The following ALDH18A1 variants were observed in gnomAD, a reference collection of about 807,000 sequenced individuals.
The protein encoded by ALDH18A1 is delta-1-pyrroline-5-carboxylate synthase.
A neutral mutation model predicts 88.8 loss-of-function variants in ALDH18A1; 44 were observed. The observed-to-expected ratio is 0.50, with a 90% confidence interval of 0.39 to 0.64. ALDH18A1 has a LOEUF of 0.64. ALDH18A1 is among the 30% of genes least tolerant of loss of function. The pLI, the probability that ALDH18A1 is intolerant of heterozygous loss-of-function variation, is 0.00. For synonymous variants in ALDH18A1, 331 were observed against 372.1 expected (o/e 0.89, Z 1.27); for missense variants, 782 against 1,009.5 (o/e 0.77, Z 3.05).
intron 1 of ALDH18A1, among the ~76,000 whole-genome samples, chr10:95,653,733 T>C (rs1221193310): frequency 6.6e-6 from 1 of 152,228 alleles, no homozygotes; most frequent in East Asian, 1.9e-4. Flanking sequence ...GTGTTAATAC[T>C]AAATCTTCAT....
chr10:95,635,840 A>T (rs2097879646), intron 5 of ALDH18A1, among the ~76,000 whole-genome samples: 2 of 152,252 alleles, frequency 1.3e-5, no homozygotes, highest in African/African-American at 4.8e-5. Context: ...GGGAAAAACC[A>T]AACCAAAGCA....
intron 2 of ALDH18A1, among the ~76,000 whole-genome samples, chr10:95,645,000 C>A (rs1589562605): frequency 6.6e-6 from 1 of 152,318 alleles, no homozygotes; most frequent in African/African-American, 2.4e-5. Context: ...ACATTTCTAT[C>A]CTGTTTGAGC....
At position 95,653,177 on chromosome 10, in the gene ALDH18A1, G is replaced by A. The variant is rs2097913086; in HGVS notation, c.88+113C>T. On this transcript the variant is annotated intron_variant, in intron 2 of 17. Coordinates refer to ENST00000371224, the MANE Select transcript of ALDH18A1 (RefSeq NM_002860.4). ...CACTCCAGCCTGTGTGACAAAATGA[G>A]ACCCTGTCTCCAAACAAACAAACAA... 1.5e-5 allele frequency: 15 copies of A among 1,028,474 alleles called. No individual in the cohort carries two copies. The Admixed American group carries it at 2.6e-4, about 18-fold the overall frequency. The allele number at this position is 1,028,474 out of a possible 1,614,324, so 63.7% of individuals were successfully genotyped here.
At chr10:95,647,946 CACCCT>C (rs1301108964) in intron 2 of ALDH18A1, among the ~76,000 whole-genome samples, 1 of 152,238 alleles carries the variant, frequency 6.6e-6, no homozygotes, top group Admixed American at 6.5e-5. Context: ...CCACACACCT[CACCCT>C]ACATATCTCT....
intron 16 of ALDH18A1, 121 bp downstream of exon 16, chr10:95,611,135 C>T (rs2097833431): frequency 8.3e-7 from 1 of 1,207,508 alleles, no homozygotes; most frequent in Non-Finnish European, 1.2e-6. Context: ...GCAACCACTA[C>T]TAAACATTAC....
chr10:95,625,476 T>TA (rs777958250), intron 10 of ALDH18A1, 21 bp from the exon 11 acceptor site: 37 of 1,597,264 alleles, frequency 2.3e-5, no homozygotes, highest in Admixed American at 5.0e-5. Flanking sequence ...GGTACACCAT[T>TA]AAAAAAACAG....
At chr10:95,653,718 CT>C (rs1488711639) in intron 1 of ALDH18A1, among the ~76,000 whole-genome samples, 1 of 152,200 alleles carries the variant, frequency 6.6e-6, no homozygotes, top group East Asian at 1.9e-4. Flanking sequence ...AGGTGCAATG[CT>C]TATGTGTTAA....
chr10:95,624,053 G>T (rs1014049578), intron 11 of ALDH18A1, among the ~76,000 whole-genome samples: 2 of 151,566 alleles, frequency 1.3e-5, no homozygotes, highest in Non-Finnish European at 2.9e-5. Context: ...GGTCAGGCTG[G>T]TCTTGAACTC....
chr10:95,618,389 C>T (rs554540487), intron 12 of ALDH18A1, among the ~76,000 whole-genome samples: 3 of 152,278 alleles, frequency 2.0e-5, no homozygotes, highest in Non-Finnish European at 4.4e-5. Flanking sequence ...GGCACGATCT[C>T]GACTCACTGC....
In ALDH18A1 at chr10:95,653,358, C is replaced by T. The variant is rs753553298; in HGVS notation, c.20G>A (p.Arg7His). The T allele has an allele frequency of 8.7e-6, 14 of 1,613,072 alleles. No individual in the cohort carries two copies. The Admixed American group carries it at 1.0e-4, about 12-fold the overall frequency. The change falls in exon 2 of 18, where the codon CGC (arginine) becomes CAC (histidine). Residue 7 changes from arginine to histidine, a missense_variant. Arg to His is a conservative substitution (Grantham distance 29, BLOSUM62 0). Transcript: ENST00000371224. MLSQVYRCGFQPFNQHL... is the reference protein window; with the variant it reads MLSQVYHCGFQPFNQHL... ...TTGGTTGAAGGGCTGGAACCCACAG[C>T]GGTAAACTTGACTCAACATGCTGCG...
chr10:95,640,615 T>C (rs989858928), intron 3 of ALDH18A1, among the ~76,000 whole-genome samples: 1 of 152,214 alleles, frequency 6.6e-6, no homozygotes, highest in Admixed American at 6.5e-5. Flanking sequence ...GTGTTGGGAT[T>C]ACAGGTGTAA....
At chr10:95,646,428 G>A (rs1760980513) in intron 2 of ALDH18A1, among the ~76,000 whole-genome samples, 1 of 152,136 alleles carries the variant, frequency 6.6e-6, no homozygotes, top group Admixed American at 6.5e-5. Context: ...CAGTAGATAA[G>A]GCCTGTTAGG....
rs2097873952 is a variant in ALDH18A1, at chr10:95,633,196, G to T, written c.718-147C>A. ...AATATGTAGATGACGGCTCTTGCAG[G>T]CCCCTTCTGTCTGCAGAACACACTG... is the stretch of plus-strand genomic sequence containing the variant. On this transcript the variant is annotated intron_variant, in intron 6 of 17. Coordinates refer to ENST00000371224, the MANE Select transcript of ALDH18A1 (RefSeq NM_002860.4). The T allele has an allele frequency of 3.8e-6, 3 of 783,436 alleles. No individual in the cohort carries two copies. The East Asian group carries it at 8.0e-5, about 21-fold the overall frequency. 48.5% of individuals were successfully genotyped at this position (783,436 alleles called of 1,614,324 possible). A position where few individuals can be genotyped will look rare whatever the true frequency, so the allele number is the denominator to read the frequency against.
chr10:95,646,216 G>A (rs1208149062), intron 2 of ALDH18A1, among the ~76,000 whole-genome samples: 15 of 152,188 alleles, frequency 9.9e-5, no homozygotes. Context: ...GGGTGGAGCA[G>A]CCTGAGAGGG....
rs527696234 is a variant in ALDH18A1, at chr10:95,653,765, A to G, written c.-28-360T>C. Among the ~76,000 whole-genome samples, 4 of 152,346 alleles carry G rather than the reference A, an allele frequency of 2.6e-5. No homozygotes were observed. The South Asian group carries it at 8.3e-4, about 32-fold the overall frequency. Reference sequence around the variant, plus strand: ...TCATATAATTCCTGTAACAGATCCAACATCCTAAAGCAATCATGTCCACCT... The same window carrying G: ...TCATATAATTCCTGTAACAGATCCAGCATCCTAAAGCAATCATGTCCACCT... On this transcript the variant is annotated intron_variant, in intron 1 of 17. Coordinates refer to ENST00000371224, the MANE Select transcript of ALDH18A1 (RefSeq NM_002860.4).
intron 7 of ALDH18A1, among the ~76,000 whole-genome samples, chr10:95,631,742 C>CAAAAAAAAA (rs71034341): frequency 1.3e-5 from 1 of 76,478 alleles, no homozygotes; most frequent in Admixed American, 1.7e-4. Flanking sequence ...GGCTCTGCCT[C>CAAAAAAAAA]AAAAAAAAAA....
intron 11 of ALDH18A1, among the ~76,000 whole-genome samples, chr10:95,624,487 T>C (rs921335235): frequency 7.2e-5 from 11 of 152,216 alleles, no homozygotes; most frequent in African/African-American, 2.4e-4. Flanking sequence ...AAAAATGTTT[T>C]AAGGAATGAA....
At chr10:95,619,277 C>A (rs975246835) in intron 12 of ALDH18A1, among the ~76,000 whole-genome samples, 1 of 151,958 alleles carries the variant, frequency 6.6e-6, no homozygotes, top group Admixed American at 6.6e-5. Flanking sequence ...CACTGCTCCA[C>A]GAAATAAAAG....
chr10:95,608,090 G>C (rs534988160), intron 17 of ALDH18A1, among the ~76,000 whole-genome samples: 5 of 152,334 alleles, frequency 3.3e-5, no homozygotes, highest in African/African-American at 1.2e-4. Context: ...ATTTAGCACA[G>C]TGCTGGGAAT....
Sources: allele counts gnomAD v4.1 joint callset (sites outside exome capture counted in the v4.1 genomes callset), GRCh38; gene constraint gnomAD v4.1.1; transcripts MANE v1.5; gene names NCBI Gene and HGNC (gene_info 2026-07-23, HGNC 2026-07-21).